The following CACNA1C variants were observed in gnomAD, a reference collection of about 807,000 sequenced individuals.
The protein encoded by CACNA1C is calcium voltage-gated channel subunit alpha1 C.
A neutral mutation model predicts 229.0 loss-of-function variants in CACNA1C; 30 were observed. The observed-to-expected ratio is 0.13, with a 90% CI of 0.10 to 0.18. The LOEUF (loss-of-function observed/expected upper bound fraction) is 0.18, where lower values mean the gene tolerates loss of function less well. Ranked by LOEUF, CACNA1C falls within the 10% of genes least tolerant of loss-of-function variation. CACNA1C has a pLI of 1.00. For synonymous variants in CACNA1C, 1,114 were observed against 1,132.5 expected, an observed-to-expected ratio of 0.98 and a Z score of 0.33; for missense variants, 1,658 against 2,845.0, an observed-to-expected ratio of 0.58 and a Z score of 9.49.
intron 1 of CACNA1C, among the ~76,000 whole-genome samples, chr12:2,066,634 A>C (rs2059363302): frequency 6.6e-6 from 1 of 152,148 alleles, no homozygotes; most frequent in Non-Finnish European, 1.5e-5. Context: ...CCACTCTTTC[A>C]AGAATTTTGG....
chr12:2,028,501 T>C (rs1223389058), intron 1 of CACNA1C, among the ~76,000 whole-genome samples: 1 of 152,202 alleles, frequency 6.6e-6, no homozygotes, highest in Non-Finnish European at 1.5e-5. Context: ...AGTCCAATGT[T>C]CTTTTATTAT....
chr12:2,623,501 C>T (rs114465156), intron 29 of CACNA1C, among the ~76,000 whole-genome samples: 328 of 152,284 alleles, frequency 2.2e-3, no homozygotes, highest in African/African-American at 7.1e-3. Flanking sequence ...AGCTGCCTCC[C>T]GAGATCAGCC....
intron 38 of CACNA1C, among the ~76,000 whole-genome samples, chr12:2,673,820 T>C (rs2096666570): frequency 6.6e-6 from 1 of 152,184 alleles, no homozygotes; most frequent in African/African-American, 2.4e-5. Flanking sequence ...CTCCCTGTCT[T>C]AGGTCATAGG....
chr12:2,493,863 G>A lies in CACNA1C; in HGVS notation c.1113+477G>A, dbSNP rs926055956. ...GAAACCATTTTTATTGAATTGTGTA[G>A]CATTGTGACATGCTATTCAATTTTT... On this transcript the variant is annotated intron_variant, in intron 7 of 46. Transcript: ENST00000399655. This position sits in a 1 kb window ranked among gnomAD's most constrained non-coding sequence, Gnocchi z 4.6. Among the ~76,000 whole-genome samples the A allele has an allele frequency of 6.6e-6, 1 of 152,154 alleles. No homozygotes were observed. Among genetic ancestry groups the A allele is most frequent in the South Asian group, 2.1e-4 (1 of 4,826 alleles).
chr12:2,068,619 C>T (rs1350991820), intron 1 of CACNA1C, among the ~76,000 whole-genome samples: 2 of 152,200 alleles, frequency 1.3e-5, no homozygotes, highest in Admixed American at 6.5e-5. Flanking sequence ...GCCCCAAGTC[C>T]TTGCCTTTGT....
chr12:2,565,411 G>C (rs891324742), intron 11 of CACNA1C, among the ~76,000 whole-genome samples: 10 of 149,844 alleles, frequency 6.7e-5, no homozygotes, highest in Non-Finnish European at 1.5e-4. Flanking sequence ...AGCTTGCAGT[G>C]AGCCGAGATT....
intron 3 of CACNA1C, among the ~76,000 whole-genome samples, chr12:2,251,278 A>C (rs1250780767): frequency 6.6e-6 from 1 of 152,138 alleles, no homozygotes; most frequent in Admixed American, 6.5e-5. Context: ...TGGTCTACTG[A>C]CATGTCTCCT....
chr12:2,374,258 G>A (rs1366911440), intron 3 of CACNA1C, among the ~76,000 whole-genome samples: 3 of 152,206 alleles, frequency 2.0e-5, no homozygotes, highest in African/African-American at 2.4e-5. Context: ...TTTAGTAATG[G>A]ACTGTTGATT....
rs547253423 is a variant in CACNA1C, at chr12:2,054,643, G to A, written c.49+1032G>A. Among the ~76,000 whole-genome samples the A allele has an allele frequency of 6.6e-6, 1 of 150,828 alleles. No homozygotes were observed. The highest frequency in any genetic ancestry group is 2.2e-4 in the South Asian group (1 of 4,632). ...ATTTAAGGTTTTGGGGACGGGGGGT[G>A]CAGACAGGGTGGTCCAGCGGGGCTT... is the stretch of plus-strand genomic sequence containing the variant. On this transcript the variant is annotated intron_variant, in intron 1 of 46. Coordinates refer to ENST00000399655, the MANE Select transcript of CACNA1C (RefSeq NM_000719.7). This position sits in a 1 kb window ranked among gnomAD's most constrained non-coding sequence, Gnocchi z 5.5.
At chr12:2,546,443 G>A (rs1318363330) in intron 9 of CACNA1C, among the ~76,000 whole-genome samples, 2 of 152,182 alleles carry the variant, frequency 1.3e-5, no homozygotes, top group Non-Finnish European at 2.9e-5. Flanking sequence ...ACTATTCTGT[G>A]CAGTTGCTGG....
intron 1 of CACNA1C, among the ~76,000 whole-genome samples, chr12:2,088,010 G>T (rs943796701): frequency 6.6e-6 from 1 of 152,274 alleles, no homozygotes; most frequent in East Asian, 1.9e-4. Flanking sequence ...ACTTGGGTAG[G>T]CCACTTCTCC....
Position 2,043,779 on chromosome 12 carries a change from C to T in CACNA1C, c.140-71445C>T, listed in dbSNP as rs546222252. Among the ~76,000 whole-genome samples the T allele has an allele frequency of 1.6e-3, 230 of 141,572 alleles. 9 individuals are homozygous for T. The highest frequency in any genetic ancestry group is 6.1e-3 in the African/African-American group (220 of 36,012). The allele number at this position is 141,572 out of a possible 152,430, so 92.9% of individuals were successfully genotyped here. A position where few individuals can be genotyped will look rare whatever the true frequency, so the allele number is the denominator to read the frequency against. On this transcript the variant is annotated intron_variant, in intron 1 of 46. Transcript: ENST00000682462. The stretch of plus-strand genomic sequence containing the variant: ...CACGCCATTCTCCTGCCTCAGCCTC[C>T]CCAGTAGCTGGGACTACAGGCGCCC...
chr12:2,399,054 C>T (rs2098637531), intron 3 of CACNA1C, among the ~76,000 whole-genome samples: 1 of 152,112 alleles, frequency 6.6e-6, no homozygotes, highest in Non-Finnish European at 1.5e-5. Flanking sequence ...GGACTTGAGA[C>T]AGGGGTGGCT....
At chr12:2,680,640 C>A in intron 42 of CACNA1C, 1 of 1,389,546 alleles carries the variant, frequency 7.2e-7, no homozygotes, top group Admixed American at 2.0e-5. Flanking sequence ...CCTCTAAACC[C>A]CTGGAAAAGT....
At chr12:2,461,956 G>C (rs549437787) in intron 5 of CACNA1C, among the ~76,000 whole-genome samples, 1 of 152,210 alleles carries the variant, frequency 6.6e-6, no homozygotes, top group African/African-American at 2.4e-5. Context: ...CAGCCAAGTC[G>C]GATCATGTTC....
At position 2,410,869 on chromosome 12, in the gene CACNA1C, C is replaced by G. The variant is rs776659755; in HGVS notation, c.478-38107C>G. Among the ~76,000 whole-genome samples the G allele has an allele frequency of 2.2e-4, 33 of 146,736 alleles. No homozygotes were observed. The highest frequency in any genetic ancestry group is 8.0e-4 in the Admixed American group (12 of 14,988). Reference sequence around the variant, plus strand: ...TGACCCTGGCTGTGAGGATGGCCTTCCTATCCTTCCCTTCTCCTGGCTGCC... The same window carrying G: ...TGACCCTGGCTGTGAGGATGGCCTTGCTATCCTTCCCTTCTCCTGGCTGCC... On this transcript the variant is annotated intron_variant, in intron 3 of 46. Coordinates refer to ENST00000399655, the MANE Select transcript of CACNA1C (RefSeq NM_000719.7). This position sits in a 1 kb window ranked among gnomAD's most constrained non-coding sequence, Gnocchi z 5.3.
At chr12:2,552,834 G>T (rs1489522936) in intron 10 of CACNA1C, among the ~76,000 whole-genome samples, 2 of 152,188 alleles carry the variant, frequency 1.3e-5, no homozygotes, top group Admixed American at 6.5e-5. Context: ...CATGGACAGG[G>T]AGGAAGATGG....
chr12:2,305,808 A>C (rs1177676798), intron 3 of CACNA1C, among the ~76,000 whole-genome samples: 1 of 152,254 alleles, frequency 6.6e-6, no homozygotes, highest in Non-Finnish European at 1.5e-5. Context: ...GCACCACTGC[A>C]TGCCACCCTG....
intron 3 of CACNA1C, among the ~76,000 whole-genome samples, chr12:2,321,539 G>A (rs1445322981): frequency 2.0e-5 from 3 of 152,148 alleles, no homozygotes; most frequent in Admixed American, 2.0e-4. Context: ...AGGCTCTGGG[G>A]ATAAAGCAGT....
Sources: gnomAD v4.1 joint callset for allele counts (sites outside exome capture counted in the v4.1 genomes callset) on GRCh38, gnomAD v4.1.1 for gene constraint, Gnocchi (gnomAD v3.1) non-coding constraint, MANE v1.5 for transcripts, NCBI Gene and HGNC (gene_info 2026-07-23, HGNC 2026-07-21) for gene names.